RLF: variants seen among roughly 807,000 people sequenced by gnomAD.
The protein encoded by RLF is zinc finger protein Rlf.
RLF carries 7 observed loss-of-function variants against 162.9 expected under a neutral mutation model. The observed-to-expected ratio is 0.04, with a 90% confidence interval of 0.02 to 0.08. The LOEUF (loss-of-function observed/expected upper bound fraction) is 0.08. Among genes scored for constraint, RLF ranks in the 10% least tolerant of loss-of-function variants. RLF has a pLI of 1.00. For synonymous variants in RLF, 782 were observed against 791.5 expected (o/e 0.99, Z 0.20); for missense variants, 1,664 against 2,244.7 (o/e 0.74, Z 5.23).
At chr1:40,193,582 C>T (rs143721371) in intron 3 of RLF, among the ~76,000 whole-genome samples, 8 of 152,066 alleles carry the variant, frequency 5.3e-5, no homozygotes, top group African/African-American at 1.4e-4. Flanking sequence ...CCAAAGTAAA[C>T]GCGAGTCATT....
intron 5 of RLF, among the ~76,000 whole-genome samples, chr1:40,222,228 G>A (rs998133753): frequency 6.6e-6 from 1 of 151,832 alleles, no homozygotes; most frequent in Non-Finnish European, 1.5e-5. Context: ...GATACTAGGG[G>A]AAGACAGGAA....
rs535585426 is a variant in RLF at position 40,178,992 on chromosome 1, G to A, written c.238-10063G>A. On this transcript the variant is annotated intron_variant, in intron 1 of 7. Transcript: ENST00000372771. ...TGGGACTACAGGCCTGTGCCACCAC[G>A]CCCGGCTAATTTTTGTATTTTTAAT... Among the ~76,000 whole-genome samples, 9 of 151,864 alleles carry A rather than the reference G, an allele frequency of 5.9e-5. No homozygotes were observed. In the South Asian group the frequency reaches 8.3e-4, roughly 14 times the overall value.
rs1470123333 is a variant in RLF at position 40,222,633 on chromosome 1, G to A, written c.870G>A (p.Gly290=). 1 of 1,613,442 alleles carries A rather than the reference G, an allele frequency of 6.2e-7. No homozygotes were observed. Among genetic ancestry groups the A allele is most frequent in the Non-Finnish European group, 8.5e-7 (1 of 1,179,686 alleles). ...LDIICNLESE[G]QDNTAFVLCT... ...TCATTTGTAATCTGGAATCTGAGGG[G>A]CAGGATAACACAGCATTTGTTCTTT... is the stretch of plus-strand genomic sequence containing the variant. The change falls in exon 6 of 8, where the codon GGG becomes GGA. Residue 290 remains glycine (G), a synonymous_variant. Coordinates refer to ENST00000372771, the MANE Select transcript of RLF (RefSeq NM_012421.4).
chr1:40,178,508 G>A (rs959648809), intron 1 of RLF, among the ~76,000 whole-genome samples: 5 of 151,616 alleles, frequency 3.3e-5, no homozygotes, highest in African/African-American at 1.2e-4. Flanking sequence ...GTAACAATGT[G>A]AATACTTAAT....
intron 2 of RLF, 97 bp from the exon 3 acceptor site, chr1:40,190,675 G>C (rs1642544129): frequency 1.3e-6 from 1 of 770,974 alleles, no homozygotes; most frequent in South Asian, 2.2e-5. Flanking sequence ...ATTTAAAATA[G>C]CCTAAACAAA....
chr1:40,203,241 A>C (rs2124543220), intron 5 of RLF, among the ~76,000 whole-genome samples: 1 of 151,346 alleles, frequency 6.6e-6, no homozygotes, highest in East Asian at 2.0e-4. Flanking sequence ...CAGCCTCCCA[A>C]GTAGCTGGGA....
chr1:40,210,957 A>G (rs1642856734), intron 5 of RLF, among the ~76,000 whole-genome samples: 1 of 152,324 alleles, frequency 6.6e-6, no homozygotes, highest in African/African-American at 2.4e-5. Context: ...GAACTGTGTT[A>G]TAGGAAATAC....
chr1:40,202,276 G>A, intron 4 of RLF, 136 bp from the exon 5 acceptor site: 1 of 601,428 alleles, frequency 1.7e-6, no homozygotes, highest in Non-Finnish European at 2.8e-6. Context: ...ATTGAGACCA[G>A]AGTAAACTTC....
Position 40,206,598 on chromosome 1 carries a change from G to A in RLF, c.810+3984G>A, listed in dbSNP as rs114042121. 3.0e-3 allele frequency among the ~76,000 whole-genome samples: 464 copies of A among 152,250 alleles called. 4 individuals carry two copies. Among genetic ancestry groups the A allele is most frequent in the African/African-American group, 0.011 (441 of 41,556 alleles). ...ACTTGTCGTGCCATGCCACTTCTCT[G>A]CACACAATTATCTAATAGCTTTCCA... On this transcript the variant is annotated intron_variant, in intron 5 of 7. Coordinates refer to ENST00000372771, the MANE Select transcript of RLF (RefSeq NM_012421.4).
intron 5 of RLF, among the ~76,000 whole-genome samples, chr1:40,216,509 A>G (rs1642926822): frequency 6.6e-6 from 1 of 151,700 alleles, no homozygotes; most frequent in Non-Finnish European, 1.5e-5. Flanking sequence ...AAAGAGAGAG[A>G]GAAAGAAACC....
At chr1:40,187,176 C>A (rs1235506929) in intron 1 of RLF, among the ~76,000 whole-genome samples, 1 of 151,260 alleles carries the variant, frequency 6.6e-6, no homozygotes. Context: ...GGACTACAAG[C>A]GCGCGCCACC....
In RLF at chr1:40,239,604, A is replaced by C. The variant is rs1264147968; in HGVS notation, c.4902A>C (p.Ala1634=). 6.2e-7 allele frequency: 1 copy of C among 1,614,178 alleles called. No individual in the cohort carries two copies. Among genetic ancestry groups the C allele is most frequent in the Non-Finnish European group, 8.5e-7 (1 of 1,180,028 alleles). ...EHSHSPGDSS[A]PIQNTDCCHS... is the part of the protein sequence containing the mutation. ...GCCATTCCCCGGGTGACAGTAGTGCACCCATCCAGAACACTGATTGCTGTC... is the reference window on the plus strand; with the variant it reads ...GCCATTCCCCGGGTGACAGTAGTGCCCCCATCCAGAACACTGATTGCTGTC... The change falls in exon 8 of 8, where the codon GCA becomes GCC. Residue 1634 remains alanine, a synonymous_variant. Transcript: ENST00000372771.
chr1:40,205,646 T>G (rs779608390), intron 5 of RLF, among the ~76,000 whole-genome samples: 1 of 151,940 alleles, frequency 6.6e-6, no homozygotes, highest in Non-Finnish European at 1.5e-5. Context: ...CCCGCCACCA[T>G]GCCCGGCTAA....
rs186812948 is a variant in RLF at position 40,207,672 on chromosome 1, G to T, written c.810+5058G>T. On this transcript the variant is annotated intron_variant, in intron 5 of 7. Coordinates refer to ENST00000372771, the MANE Select transcript of RLF (RefSeq NM_012421.4). The stretch of plus-strand genomic sequence containing the variant: ...GTCGCCCAGCCTGGAGTGCAGTGGC[G>T]TGATCTCGGCTCACTGCAGCCTCCA... 2.9e-3 allele frequency among the ~76,000 whole-genome samples: 439 copies of T among 152,232 alleles called. 5 individuals carry two copies. Among genetic ancestry groups the T allele is most frequent in the African/African-American group, 0.01 (421 of 41,532 alleles).
intron 6 of RLF, among the ~76,000 whole-genome samples, chr1:40,230,656 C>A (rs1480071641): frequency 6.6e-6 from 1 of 152,134 alleles, no homozygotes; most frequent in African/African-American, 2.4e-5. Context: ...TGGTTTCGAA[C>A]TCCTGACCTC....
chr1:40,231,772 AG>A, intron 7 of RLF, 114 bp downstream of exon 7: 1 of 975,536 alleles, frequency 1.0e-6, no homozygotes, highest in Non-Finnish European at 1.5e-6. Context: ...AGTTTTAATA[AG>A]ATTAATGGAA....
intron 1 of RLF, among the ~76,000 whole-genome samples, chr1:40,177,049 G>A (rs1168464571): frequency 1.3e-5 from 2 of 150,658 alleles, no homozygotes; most frequent in African/African-American, 2.4e-5. Flanking sequence ...GTGCAATGGC[G>A]CGACCTTGAC....
chr1:40,170,848 T>G (rs994934154), intron 1 of RLF, among the ~76,000 whole-genome samples: 3 of 152,232 alleles, frequency 2.0e-5, no homozygotes, highest in African/African-American at 7.2e-5. Flanking sequence ...TTACCTATAT[T>G]GCTGCAACAT....
At chr1:40,198,386 C>T (rs1427916411) in intron 4 of RLF, among the ~76,000 whole-genome samples, 1 of 151,148 alleles carries the variant, frequency 6.6e-6, no homozygotes, top group Non-Finnish European at 1.5e-5. Flanking sequence ...CTCACTGCAA[C>T]CTCCGCCTCC....
Sources: gnomAD v4.1 joint callset for allele counts (sites outside exome capture counted in the v4.1 genomes callset) on GRCh38, gnomAD v4.1.1 for gene constraint, MANE v1.5 for transcripts, NCBI Gene and HGNC (gene_info 2026-07-23, HGNC 2026-07-21) for gene names.